Variants in FBXO15 observed in about 807,000 individuals in gnomAD.
FBXO15 encodes F-box only protein 15.
In FBXO15, 30 loss-of-function variants were observed where a neutral mutation model predicts 49.5. The ratio of observed to expected loss-of-function variants is 0.61; its 90% CI spans 0.45 to 0.82. FBXO15 has a LOEUF of 0.82. Ranked by LOEUF, FBXO15 falls within the 40% of genes least tolerant of loss-of-function variation. The pLI is 0.00. For synonymous variants in FBXO15, 250 were observed against 232.7 expected, an observed-to-expected ratio of 1.07 and a Z score of -0.68; for missense variants, 591 against 631.5, an observed-to-expected ratio of 0.94 and a Z score of 0.69.
chr18:74,102,068 G>C (rs1041260466), intron 8 of FBXO15, among the ~76,000 whole-genome samples: 1 of 152,084 alleles, frequency 6.6e-6, no homozygotes. Flanking sequence ...AGGATTTCAT[G>C]ACCAAGAACC....
chr18:74,121,893 AAGATGGC>A (rs1190049537), intron 8 of FBXO15, among the ~76,000 whole-genome samples: 1 of 152,210 alleles, frequency 6.6e-6, no homozygotes, highest in Non-Finnish European at 1.5e-5. Context: ...TTGAGTTTGC[AAGATGGC>A]AGATAAGAAA....
In FBXO15 at chr18:74,123,523, A is replaced by T; in HGVS notation, c.996-13T>A. The T allele has an allele frequency of 6.3e-7, 1 of 1,581,006 alleles. No individual in the cohort carries two copies. The highest frequency in any genetic ancestry group is 8.5e-7 in the Non-Finnish European group (1 of 1,170,790). ...CAGTTCATAGGGGCTGAAAAGCAAA[A>T]CAAAAGAAACATACAAATTTGTCAA... On this transcript the variant is annotated splice_polypyrimidine_tract_variant and intron_variant, in intron 7 of 9. Coordinates refer to ENST00000419743, the MANE Select transcript of FBXO15 (RefSeq NM_001142958.2).
chr18:74,086,187 T>C (rs1252704178), intron 8 of FBXO15, among the ~76,000 whole-genome samples: 1 of 152,024 alleles, frequency 6.6e-6, no homozygotes, highest in Non-Finnish European at 1.5e-5. Flanking sequence ...AATATCAAGA[T>C]GGAACGAAAA....
chr18:74,116,623 C>T (rs1197185827), intron 8 of FBXO15, among the ~76,000 whole-genome samples: 1 of 152,178 alleles, frequency 6.6e-6, no homozygotes. Flanking sequence ...TGCAACTGGT[C>T]ACTTCATCCC....
rs1406012833 is a variant in FBXO15, at chr18:74,073,609, T to C, written c.1385A>G (p.Gln462Arg). 1 of 1,614,224 alleles carries C rather than the reference T, an allele frequency of 6.2e-7. No individual in the cohort carries two copies. Residue 462 changes from glutamine (Q) to arginine (R), a missense_variant, in exon 10 of 10, where the codon CAG becomes CGG. Gln to Arg is a conservative substitution (Grantham distance 43). Coordinates refer to ENST00000419743, the MANE Select transcript of FBXO15 (RefSeq NM_001142958.2). ...ATCAACGTAGTCCACGTTGTATGTC[T>C]GTCCCAAGAAGCTAGAGCTGTCAGA... ...TPSDSSSFLG[Q>R]TYNVDYVDAE...
chr18:74,123,738 G>T (rs1454548058), intron 7 of FBXO15, among the ~76,000 whole-genome samples: 1 of 152,072 alleles, frequency 6.6e-6, no homozygotes, highest in Non-Finnish European at 1.5e-5. Flanking sequence ...TCTGTAGGCA[G>T]CCACCGCCCA....
At chr18:74,146,527 A>G (rs140810149) in intron 1 of FBXO15, among the ~76,000 whole-genome samples, 37 of 152,356 alleles carry the variant, frequency 2.4e-4, no homozygotes, top group African/African-American at 7.9e-4. Context: ...GACTAATTTT[A>G]GTAATAGCAG....
At chr18:74,114,277 C>G (rs1914140703) in intron 8 of FBXO15, among the ~76,000 whole-genome samples, 1 of 152,202 alleles carries the variant, frequency 6.6e-6, no homozygotes, top group African/African-American at 2.4e-5. Context: ...CTGGTCACAA[C>G]TCATTCTTGG....
chr18:74,095,905 C>A (rs889842362), intron 8 of FBXO15, among the ~76,000 whole-genome samples: 7 of 152,136 alleles, frequency 4.6e-5, no homozygotes, highest in Non-Finnish European at 8.8e-5. Flanking sequence ...CAGAAATATT[C>A]CAGAACTCAA....
intron 8 of FBXO15, among the ~76,000 whole-genome samples, chr18:74,119,672 T>C (rs1394843432): frequency 6.6e-6 from 1 of 151,496 alleles, no homozygotes; most frequent in Non-Finnish European, 1.5e-5. Flanking sequence ...ACACCAAGAA[T>C]GTGAGGCCAC....
Position 74,132,206 on chromosome 18 carries a change from A to G in FBXO15, c.333-1548T>C, listed in dbSNP as rs142583894. ...TTGAGTACATTTAAGTAAAGCTGAA[A>G]CTGTTTCACCAAAATCCTTTGAATA... is the stretch of plus-strand genomic sequence containing the variant. On this transcript the variant is annotated intron_variant, in intron 3 of 9. Transcript: ENST00000419743. Among the ~76,000 whole-genome samples, 80 of 152,334 alleles carry G rather than the reference A, an allele frequency of 5.3e-4. No individual in the cohort carries two copies. The East Asian group carries it at 0.015, about 28-fold the overall frequency.
intron 1 of FBXO15, among the ~76,000 whole-genome samples, chr18:74,144,330 A>G (rs1025458326): frequency 6.6e-6 from 1 of 151,956 alleles, no homozygotes; most frequent in Non-Finnish European, 1.5e-5. Context: ...TTAAATGGGG[A>G]CGATTTAGGG....
chr18:74,129,097 C>A (rs994900037), intron 5 of FBXO15, among the ~76,000 whole-genome samples: 10 of 152,110 alleles, frequency 6.6e-5, no homozygotes, highest in African/African-American at 2.2e-4. Flanking sequence ...TAACATATAT[C>A]TTTCTGTTAA....
chr18:74,073,888 T>C (rs771001242), intron 9 of FBXO15, among the ~76,000 whole-genome samples, 158 bp from the exon 10 acceptor site: 7 of 152,168 alleles, frequency 4.6e-5, no homozygotes, highest in Non-Finnish European at 8.8e-5. Flanking sequence ...ATAACCTAGA[T>C]TATACTTGGG....
intron 3 of FBXO15, among the ~76,000 whole-genome samples, chr18:74,134,311 G>A (rs902713576): frequency 3.5e-4 from 53 of 151,620 alleles, no homozygotes; most frequent in African/African-American, 1.1e-3. Context: ...TAACAACAAA[G>A]ATGGACTAGA....
intron 7 of FBXO15, among the ~76,000 whole-genome samples, chr18:74,123,838 G>T (rs562638325): frequency 6.6e-6 from 1 of 152,202 alleles, no homozygotes; most frequent in South Asian, 2.1e-4. Context: ...GTGTCCAGGG[G>T]ACAAAAGTGC....
intron 8 of FBXO15, among the ~76,000 whole-genome samples, chr18:74,087,923 T>C (rs749104255): frequency 7.2e-5 from 11 of 152,214 alleles, no homozygotes; most frequent in Non-Finnish European, 1.5e-4. Flanking sequence ...TGGTATAAGA[T>C]GGTATCTCAC....
chr18:74,137,328 T>A (rs1978784038), intron 2 of FBXO15, among the ~76,000 whole-genome samples: 1 of 152,212 alleles, frequency 6.6e-6, no homozygotes, highest in Non-Finnish European at 1.5e-5. Flanking sequence ...TGCATATAAT[T>A]TTTATATTTT....
At chr18:74,089,553 T>C (rs934996693) in intron 8 of FBXO15, among the ~76,000 whole-genome samples, 1 of 151,946 alleles carries the variant, frequency 6.6e-6, no homozygotes, top group Non-Finnish European at 1.5e-5. Context: ...ATAATATTGG[T>C]TTTGAAATAG....
Sources: allele counts gnomAD v4.1 joint callset (sites outside exome capture counted in the v4.1 genomes callset), GRCh38; gene constraint gnomAD v4.1.1; transcripts MANE v1.5; gene names NCBI Gene and HGNC (gene_info 2026-07-23, HGNC 2026-07-21).